The following CCDC158 variants were observed in gnomAD, a reference collection of about 807,000 sequenced individuals.
The protein encoded by CCDC158 is coiled-coil domain containing 158, also known as coiled-coil domain-containing protein 158.
A neutral mutation model predicts 138.6 loss-of-function variants in CCDC158; 116 were observed. The observed-to-expected ratio is 0.84, with a 90% CI of 0.72 to 0.98. The LOEUF (loss-of-function observed/expected upper bound fraction) is 0.98. Among genes scored for constraint, CCDC158 ranks in the 50% least tolerant of loss-of-function variants. CCDC158 has a pLI of 0.00. For synonymous variants in CCDC158, 436 were observed against 442.4 expected, an observed-to-expected ratio of 0.99 and a Z score of 0.18; for missense variants, 1,265 against 1,306.1, an observed-to-expected ratio of 0.97 and a Z score of 0.48.
At chr4:76,351,260 A>C in intron 17 of CCDC158, 139 bp from the exon 18 acceptor site, 1 of 771,772 alleles carries the variant, frequency 1.3e-6, no homozygotes, top group Non-Finnish European at 2.0e-6. Flanking sequence ...TTTAAAGTAC[A>C]CTTCTTAAAA....
Position 76,384,819 on chromosome 4 carries a change from G to A in CCDC158, c.289-154C>T, listed in dbSNP as rs878925598. 9.9e-5 allele frequency among the ~76,000 whole-genome samples: 15 copies of A among 151,960 alleles called. No homozygotes were observed. The South Asian group carries it at 1.7e-3, about 17-fold the overall frequency. On this transcript the variant is annotated intron_variant, in intron 4 of 24. Transcript: ENST00000682701. ...TTCAAAGTCTAATTAATAATTTCTC[G>A]CTTAGATTATGAGAATACCTTAACC...
At chr4:76,373,380 G>T (rs1292625605) in intron 9 of CCDC158, among the ~76,000 whole-genome samples, 1 of 152,174 alleles carries the variant, frequency 6.6e-6, no homozygotes, top group African/African-American at 2.4e-5. Flanking sequence ...AATCTTTCAT[G>T]TCTGCATAAA....
intron 18 of CCDC158, among the ~76,000 whole-genome samples, chr4:76,343,669 C>T (rs968363770): frequency 2.0e-5 from 3 of 152,056 alleles, no homozygotes; most frequent in East Asian, 1.9e-4. Context: ...GGTGTGGTGG[C>T]GGGTGCCTGT....
chr4:76,342,163 C>T (rs1722113303), intron 18 of CCDC158, among the ~76,000 whole-genome samples: 1 of 152,106 alleles, frequency 6.6e-6, no homozygotes, highest in Non-Finnish European at 1.5e-5. Flanking sequence ...TCTGCCTCGG[C>T]CTCCTGACTA....
At chr4:76,354,224 TC>T (rs2110183541) in intron 15 of CCDC158, among the ~76,000 whole-genome samples, 1 of 107,916 alleles carries the variant, frequency 9.3e-6, no homozygotes, top group Admixed American at 1.3e-4. Flanking sequence ...TGCTTTAGGT[TC>T]CCAAAGGCAA....
At chr4:76,345,228 T>A (rs1722428801) in intron 18 of CCDC158, 5 of 933,168 alleles carry the variant, frequency 5.4e-6, no homozygotes, top group Non-Finnish European at 7.1e-6. Flanking sequence ...TCAAGTTTCA[T>A]CAGATGAAGA....
chr4:76,399,861 C>T (rs957588800), intron 3 of CCDC158, among the ~76,000 whole-genome samples: 6 of 151,910 alleles, frequency 3.9e-5, no homozygotes, highest in African/African-American at 1.5e-4. Context: ...TCTGAAGGGG[C>T]AGAGGAGTTG....
Position 76,384,203 on chromosome 4 carries a change from A to AT in CCDC158, c.610dup (p.Ile204AsnfsTer3), listed in dbSNP as rs1248476350. On this transcript the variant is annotated frameshift_variant, in exon 6 of 25. Transcript: ENST00000682701. LOFTEE classifies it high-confidence loss of function. The stretch of plus-strand genomic sequence containing the variant: ...AGTAGACATGCTGTCATGTTCACAT[A>AT]TTTTTTTGCCTGAGGCTTCTTCAAA... 3 of 1,613,820 alleles carry AT rather than the reference A, an allele frequency of 1.9e-6. No homozygotes were observed. Among genetic ancestry groups the AT allele is most frequent in the African/African-American group, 1.3e-5 (1 of 74,878 alleles).
At chr4:76,410,993 T>C (rs1729250440) in intron 2 of CCDC158, among the ~76,000 whole-genome samples, 1 of 152,026 alleles carries the variant, frequency 6.6e-6, no homozygotes. Context: ...AGAATAAGAG[T>C]TAACTGAGAT....
chr4:76,337,884 T>C (rs1022546834), intron 18 of CCDC158, among the ~76,000 whole-genome samples: 1 of 152,174 alleles, frequency 6.6e-6, no homozygotes, highest in African/African-American at 2.4e-5. Context: ...CCCCAGTCCT[T>C]TGATCCTTAG....
chr4:76,403,053 A>G (rs1728540259), intron 3 of CCDC158, 85 bp downstream of exon 3: 5 of 934,978 alleles, frequency 5.3e-6, no homozygotes, highest in Non-Finnish European at 8.4e-6. Flanking sequence ...ATGGTTAAAA[A>G]TAAAACATAC....
intron 4 of CCDC158, among the ~76,000 whole-genome samples, chr4:76,385,646 G>A (rs1726713245): frequency 6.6e-6 from 1 of 151,996 alleles, no homozygotes; most frequent in Non-Finnish European, 1.5e-5. Flanking sequence ...GTGAAAATAT[G>A]TTTCCAACAG....
chr4:76,379,743 T>TACACACACAC (rs34043671), intron 8 of CCDC158, among the ~76,000 whole-genome samples: 22 of 146,972 alleles, frequency 1.5e-4, no homozygotes, highest in African/African-American at 4.5e-4. Flanking sequence ...TCATATATAT[T>TACACACACAC]ACACACACAC....
Position 76,388,368 on chromosome 4 carries a change from G to A in CCDC158, c.289-3703C>T, listed in dbSNP as rs187606035. On this transcript the variant is annotated intron_variant, in intron 4 of 24. Transcript: ENST00000682701. ...TCAGAAGGGAACCTAGTGCCCTAAA[G>A]GGTGAGTTCCAGGCCTGGCAACATT... Among the ~76,000 whole-genome samples, 1,082 of 152,224 alleles carry A rather than the reference G, an allele frequency of 7.1e-3. 12 individuals are homozygous for A. Among genetic ancestry groups the A allele is most frequent in the African/African-American group, 0.025 (1,021 of 41,532 alleles).
chr4:76,383,821 C>A, intron 6 of CCDC158, 83 bp from the exon 7 acceptor site: 1 of 944,874 alleles, frequency 1.1e-6, no homozygotes, highest in Admixed American at 1.9e-5. Flanking sequence ...TAAAGGAATG[C>A]TTTAAATGCA....
At chr4:76,344,873 A>G (rs1180380143) in intron 18 of CCDC158, 20 of 1,571,620 alleles carry the variant, frequency 1.3e-5, no homozygotes, top group South Asian at 4.4e-5. Context: ...CCAAGATGAA[A>G]CAAGAACTGG....
chr4:76,315,339 C>T (rs1719279816), intron 24 of CCDC158, among the ~76,000 whole-genome samples: 3 of 152,174 alleles, frequency 2.0e-5, no homozygotes, highest in Non-Finnish European at 4.4e-5. Context: ...GCCCTGGTAG[C>T]TGATCACAAA....
At chr4:76,350,649 A>G (rs892313835) in intron 18 of CCDC158, among the ~76,000 whole-genome samples, 51 of 152,216 alleles carry the variant, frequency 3.4e-4, no homozygotes, top group African/African-American at 1.2e-3. Context: ...AAGAAACCAC[A>G]TATAGCAAAT....
At chr4:76,348,793 T>C (rs964923491) in intron 18 of CCDC158, among the ~76,000 whole-genome samples, 1 of 151,894 alleles carries the variant, frequency 6.6e-6, no homozygotes, top group African/African-American at 2.4e-5. Flanking sequence ...GACAAAAGGA[T>C]GGGCAAAAGT....
Sources: gnomAD v4.1 joint callset for allele counts (sites outside exome capture counted in the v4.1 genomes callset) on GRCh38, gnomAD v4.1.1 for gene constraint, MANE v1.5 for transcripts, NCBI Gene and HGNC (gene_info 2026-07-23, HGNC 2026-07-21) for gene names.